The following PGPEP1L variants were observed in gnomAD, a reference collection of about 807,000 sequenced individuals.
The protein encoded by PGPEP1L is pyroglutamyl-peptidase 1-like protein.
A neutral mutation model predicts 6.0 loss-of-function variants in PGPEP1L; 7 were observed. The ratio of observed to expected loss-of-function variants is 1.17; its 90% CI spans 0.66 to 2.19. The LOEUF is 2.19. Ranked by LOEUF, PGPEP1L falls within the 30% of genes most tolerant of loss-of-function variation. PGPEP1L has a pLI of 0.00. For missense variants in PGPEP1L, 209 were observed against 192.5 expected, an observed-to-expected ratio of 1.09 and a Z score of -0.51; for synonymous variants, 103 against 83.9, an observed-to-expected ratio of 1.23 and a Z score of -1.24.
Position 98,977,781 on chromosome 15 carries a change from A to G in PGPEP1L, c.-141-6623T>C, listed in dbSNP as rs189308975. ...GAGAGGGGTACTGAAATCGTTGACTATTAACTGTGAATTTATCTATTCTCC... is the reference window on the plus strand; with the variant it reads ...GAGAGGGGTACTGAAATCGTTGACTGTTAACTGTGAATTTATCTATTCTCC... On this transcript the variant is annotated intron_variant, in intron 2 of 4. Coordinates refer to ENST00000535714, the MANE Select transcript of PGPEP1L (RefSeq NM_001167902.2). Among the ~76,000 whole-genome samples the G allele has an allele frequency of 7.2e-5, 11 of 152,338 alleles. No homozygotes were observed. The East Asian group carries it at 2.1e-3, about 29-fold the overall frequency.
intron 2 of PGPEP1L, among the ~76,000 whole-genome samples, chr15:98,980,372 A>G (rs1469363555): frequency 6.6e-6 from 1 of 152,196 alleles, no homozygotes; most frequent in African/African-American, 2.4e-5. Flanking sequence ...GAGGAGACAG[A>G]CTTTCAAAAG....
In PGPEP1L at chr15:98,983,960, A is replaced by G. The variant is rs186936357; in HGVS notation, c.-141-12802T>C. Among the ~76,000 whole-genome samples the G allele has an allele frequency of 1.3e-3, 192 of 151,142 alleles. 2 individuals are homozygous for G. In the Middle Eastern group the frequency reaches 0.014, roughly 11 times the overall value. On this transcript the variant is annotated intron_variant, in intron 2 of 4. Transcript: ENST00000535714. ...TTGAACATTTTTTTCCTTACTATCTATAATTCCATGAGTTCCCATTTATAA... is the reference window on the plus strand; with the variant it reads ...TTGAACATTTTTTTCCTTACTATCTGTAATTCCATGAGTTCCCATTTATAA...
At chr15:98,972,903 G>C (rs534452626) in intron 2 of PGPEP1L, among the ~76,000 whole-genome samples, 3 of 94,514 alleles carry the variant, frequency 3.2e-5, no homozygotes, top group East Asian at 6.2e-4. Flanking sequence ...AAAAAAAAAA[G>C]TGCAGTGTAG....
At chr15:99,007,291 C>G (rs782512695) in intron 1 of PGPEP1L, 68 bp downstream of exon 1, 1 of 152,238 alleles carries the variant, frequency 6.6e-6, no homozygotes, top group Non-Finnish European at 1.5e-5. Flanking sequence ...TCAATATACC[C>G]CGGATGCACT....
intron 2 of PGPEP1L, among the ~76,000 whole-genome samples, chr15:99,000,281 GC>G (rs1388930454): frequency 6.6e-6 from 1 of 152,086 alleles, no homozygotes; most frequent in African/African-American, 2.4e-5. Context: ...CCATGCCGGA[GC>G]TCCCCCTCCT....
chr15:98,991,206 T>C (rs1555472016), intron 2 of PGPEP1L, among the ~76,000 whole-genome samples: 4 of 151,262 alleles, frequency 2.6e-5, no homozygotes, highest in Non-Finnish European at 5.9e-5. Flanking sequence ...AAATAGATAA[T>C]ATGCTAGCCA....
At chr15:98,995,148 TTC>T (rs1283415274) in intron 2 of PGPEP1L, among the ~76,000 whole-genome samples, 2 of 152,182 alleles carry the variant, frequency 1.3e-5, no homozygotes, top group African/African-American at 2.4e-5. Flanking sequence ...ATTCTCATTG[TTC>T]TCTCCTTCTG....
rs189312908 is a variant in PGPEP1L at position 98,991,687 on chromosome 15, T to C, written c.-142+13742A>G. ...TTCAGGCCAATATCCCTGATGAACA[T>C]TGATGCAAAAATCCTCAATAAAATA... On this transcript the variant is annotated intron_variant, in intron 2 of 4. Transcript: ENST00000535714. 6.4e-3 allele frequency among the ~76,000 whole-genome samples: 976 copies of C among 152,298 alleles called. 7 individuals are homozygous for C. Among genetic ancestry groups the C allele is most frequent in the Admixed American group, 9.1e-3 (139 of 15,298 alleles).
intron 2 of PGPEP1L, among the ~76,000 whole-genome samples, chr15:98,988,040 C>CAA (rs1423982551): frequency 1.3e-5 from 2 of 152,222 alleles, no homozygotes; most frequent in Non-Finnish European, 2.9e-5. Context: ...CCCTGGGTTT[C>CAA]AAGCTCAAAA....
rs374693963 is a variant in PGPEP1L, at chr15:98,975,010, C to T, written c.-141-3852G>A. Among the ~76,000 whole-genome samples, 11 of 152,290 alleles carry T rather than the reference C, an allele frequency of 7.2e-5. No homozygotes were observed. The East Asian group carries it at 9.6e-4, about 13-fold the overall frequency. On this transcript the variant is annotated intron_variant, in intron 2 of 4. Transcript: ENST00000535714. ...GGAAATCAGTATATCAGAAAGATAT[C>T]TGCCTTCCCATGTCTTTTGCAGCAT...
At chr15:98,991,580 G>A (rs1364968630) in intron 2 of PGPEP1L, among the ~76,000 whole-genome samples, 1 of 151,860 alleles carries the variant, frequency 6.6e-6, no homozygotes, top group Non-Finnish European at 1.5e-5. Flanking sequence ...ATAGATAGAG[G>A]GAATCCTCCC....
At chr15:98,998,372 G>A (rs1009466485) in intron 2 of PGPEP1L, among the ~76,000 whole-genome samples, 2 of 152,190 alleles carry the variant, frequency 1.3e-5, no homozygotes, top group African/African-American at 2.4e-5. Flanking sequence ...CCTCACATGT[G>A]AGGCATTGTT....
rs752090113 is a variant in PGPEP1L at position 98,969,624 on chromosome 15, C to T, written c.10G>A (p.Ala4Thr). The T allele has an allele frequency of 1.4e-5, 22 of 1,612,466 alleles. No homozygotes were observed. Among genetic ancestry groups the T allele is most frequent in the African/African-American group, 1.2e-4 (9 of 74,926 alleles). MDT[A>T]AKAIILEQSG... ...TGTTCCAGAATGATCGCCTTGGCGG[C>T]GGTGTCCATGCCCACATGCACGACG... Residue 4 changes from alanine to threonine, a missense_variant, in exon 4 of 5, where the codon GCC becomes ACC. Transcript: ENST00000535714.
In PGPEP1L at chr15:98,979,633, C is replaced by CTTTTT. The variant is rs568793204; in HGVS notation, c.-141-8480_-141-8476dup. ...AACCTGGATGGGATTGGAGACTATT[C>CTTTTT]TTTTTTTTTTTTTTTTTTTTTTTTT... On this transcript the variant is annotated intron_variant, in intron 2 of 4. Coordinates refer to ENST00000535714, the MANE Select transcript of PGPEP1L (RefSeq NM_001167902.2). Among the ~76,000 whole-genome samples the CTTTTT allele has an allele frequency of 2.4e-3, 111 of 46,488 alleles. 10 individuals are homozygous for CTTTTT. The highest frequency in any genetic ancestry group is 3.3e-3 in the East Asian group (4 of 1,206). The allele number at this position is 46,488 out of a possible 152,430, so 30.5% of individuals were successfully genotyped here.
At chr15:98,978,840 C>T (rs2151757304) in intron 2 of PGPEP1L, among the ~76,000 whole-genome samples, 1 of 150,710 alleles carries the variant, frequency 6.6e-6, no homozygotes, top group South Asian at 2.1e-4. Context: ...AGCAATTCTC[C>T]TGCCTCAGCC....
At position 98,969,658 on chromosome 15, in the gene PGPEP1L, G is replaced by A; in HGVS notation, c.-18-7C>T. The A allele has an allele frequency of 6.2e-7, 1 of 1,609,340 alleles. No homozygotes were observed. Among genetic ancestry groups the A allele is most frequent in the Non-Finnish European group, 8.5e-7 (1 of 1,179,706 alleles). ...TGCCCACATGCACGACGAGCTGTGTGAACGGGTAACAGCAGAGAGAACCCA... is the reference window on the plus strand; with the variant it reads ...TGCCCACATGCACGACGAGCTGTGTAAACGGGTAACAGCAGAGAGAACCCA... On this transcript the variant is annotated splice_region_variant and splice_polypyrimidine_tract_variant and intron_variant, in intron 3 of 4. Coordinates refer to ENST00000535714, the MANE Select transcript of PGPEP1L (RefSeq NM_001167902.2).
chr15:98,997,591 T>C (rs782657184), intron 2 of PGPEP1L, among the ~76,000 whole-genome samples: 4 of 152,222 alleles, frequency 2.6e-5, no homozygotes, highest in Non-Finnish European at 5.9e-5. Flanking sequence ...TTCTTACAAA[T>C]AAACATGTTG....
rs1246874372 is a variant in PGPEP1L at position 98,969,460 on chromosome 15, C to A, written c.174G>T (p.Glu58Asp). The change falls in exon 4 of 5, where the codon GAG (glutamate) becomes GAT (aspartate). Residue 58 changes from glutamate (E) to aspartate (D), a missense_variant. Glu to Asp is a conservative substitution (Grantham distance 45, BLOSUM62 2). Transcript: ENST00000535714. ...CTCGGGAAAAGATCACGTCGACACC[C>A]TCCACAGCTACGCGCTTGCAGACTG... ...MKAVCKRVAV[E>D]GVDVIFSRDA... 6.2e-7 allele frequency: 1 copy of A among 1,613,922 alleles called. No individual in the cohort carries two copies. Among genetic ancestry groups the A allele is most frequent in the African/African-American group, 1.3e-5 (1 of 74,940 alleles).
intron 2 of PGPEP1L, among the ~76,000 whole-genome samples, chr15:98,994,473 G>A (rs782105177): frequency 8.6e-5 from 13 of 151,566 alleles, no homozygotes; most frequent in Non-Finnish European, 1.5e-5. Flanking sequence ...GGGCAACATG[G>A]CAAAACCTTG....
Sources: allele counts gnomAD v4.1 joint callset (sites outside exome capture counted in the v4.1 genomes callset), GRCh38; gene constraint gnomAD v4.1.1; transcripts MANE v1.5; gene names NCBI Gene and HGNC (gene_info 2026-07-23, HGNC 2026-07-21).